Variants in CELF6 observed in about 807,000 individuals in gnomAD.
CELF6 encodes the protein CUGBP Elav-like family member 6, also known as Bruno -like 6, RNA binding protein.
In CELF6, 32 loss-of-function variants were observed where a neutral mutation model predicts 53.1. The ratio of observed to expected loss-of-function variants is 0.60; its 90% CI spans 0.46 to 0.81. The LOEUF (loss-of-function observed/expected upper bound fraction) is 0.81. Ranked by LOEUF, CELF6 falls within the 30% of genes least tolerant of loss-of-function variation. The pLI is 0.00. For synonymous variants in CELF6, 291 were observed against 288.8 expected, an observed-to-expected ratio of 1.01 and a Z score of -0.08; for missense variants, 539 against 669.5, an observed-to-expected ratio of 0.81 and a Z score of 2.15.
Position 72,319,728 on chromosome 15 carries a change from G to T in CELF6, c.147C>A (p.Phe49Leu). 1 of 1,601,740 alleles carries T rather than the reference G, an allele frequency of 6.2e-7. No homozygotes were observed. Among genetic ancestry groups the T allele is most frequent in the Non-Finnish European group, 8.5e-7 (1 of 1,174,054 alleles). Residue 49 changes from phenylalanine (F) to leucine (L), a missense_variant, in exon 1 of 13, where the codon TTC (phenylalanine) becomes TTA (leucine). This residue lies in a region of CELF6 where 84 missense variants were observed against 87.9 expected (regional missense o/e 0.96). Transcript: ENST00000287202. This position sits in a 1 kb window ranked among gnomAD's most constrained non-coding sequence, Gnocchi z 5.0. ...PMKDHDAIKL[F>L]VGQIPRGLDE... Reference sequence around the variant, plus strand: ...CCAAGCCCCGCGGGATCTGCCCCACGAAGAGCTTGATGGCGTCGTGGTCCT... The same window carrying T: ...CCAAGCCCCGCGGGATCTGCCCCACTAAGAGCTTGATGGCGTCGTGGTCCT...
chr15:72,304,897 T>C, intron 2 of CELF6, 103 bp from the exon 3 acceptor site: 1 of 978,144 alleles, frequency 1.0e-6, no homozygotes, highest in Non-Finnish European at 1.6e-6. Context: ...CCCTAGCCCC[T>C]TTGAACTCTG....
rs774783595 is a variant in CELF6 at position 72,289,090 on chromosome 15, C to A, written c.1030+48G>T. On this transcript the variant is annotated intron_variant, in intron 8 of 12. Transcript: ENST00000287202. The surrounding 1 kb of genome is among the most constrained non-coding windows in gnomAD (Gnocchi z 7.6). ...AGCCAGGCCCTAACCCCCCACCCCC[C>A]GCTCCCCACTCCATTTCGGGGGGAT... 20 of 1,423,608 alleles carry A rather than the reference C, an allele frequency of 1.4e-5. No individual in the cohort carries two copies. Among genetic ancestry groups the A allele is most frequent in the South Asian group, 4.3e-5 (3 of 69,718 alleles). The allele number at this position is 1,423,608 out of a possible 1,614,324, so 88.2% of individuals were successfully genotyped here. A position where few individuals can be genotyped will look rare whatever the true frequency, so the allele number is the denominator to read the frequency against.
intron 11 of CELF6, among the ~76,000 whole-genome samples, chr15:72,287,893 A>C (rs1365537361): frequency 6.7e-6 from 1 of 149,800 alleles, no homozygotes; most frequent in Admixed American, 6.7e-5. Flanking sequence ...TGGAGTGTGC[A>C]GTGGTGCCAT....
intron 3 of CELF6, among the ~76,000 whole-genome samples, chr15:72,292,676 G>C (rs1595776486): frequency 6.6e-6 from 1 of 152,312 alleles, no homozygotes; most frequent in East Asian, 1.9e-4. Context: ...GCCTCTTGTT[G>C]CTTTTTCTGC....
intron 2 of CELF6, among the ~76,000 whole-genome samples, chr15:72,311,471 T>C (rs569056242): frequency 1.3e-5 from 2 of 151,930 alleles, no homozygotes; most frequent in African/African-American, 2.4e-5. Flanking sequence ...GATGCGATCT[T>C]GGCTCACTGC....
Position 72,319,338 on chromosome 15 carries a change from T to A in CELF6, c.262+275A>T, listed in dbSNP as rs1256830198. On this transcript the variant is annotated intron_variant, in intron 1 of 12. Coordinates refer to ENST00000287202, the MANE Select transcript of CELF6 (RefSeq NM_052840.5). The surrounding 1 kb of genome is among the most constrained non-coding windows in gnomAD (Gnocchi z 5.0). ...TCTGATGGGAGAGGTGGTGGAAAGG[T>A]CCAATTGAAAGGCAGGGACTGCTGG... is the stretch of plus-strand genomic sequence containing the variant. Among the ~76,000 whole-genome samples, 1 of 151,858 alleles carries A rather than the reference T, an allele frequency of 6.6e-6. No individual in the cohort carries two copies. The highest frequency in any genetic ancestry group is 1.5e-5 in the Non-Finnish European group (1 of 67,982).
At chr15:72,293,597 G>A (rs766330923) in intron 3 of CELF6, among the ~76,000 whole-genome samples, 6 of 152,160 alleles carry the variant, frequency 3.9e-5, no homozygotes, top group Non-Finnish European at 7.3e-5. Context: ...CAGCATCAGC[G>A]CAGAGTTGAG....
chr15:72,287,045 G>A (rs117411464), intron 12 of CELF6, among the ~76,000 whole-genome samples, 192 bp downstream of exon 12: 1 of 152,318 alleles, frequency 6.6e-6, no homozygotes, highest in Non-Finnish European at 1.5e-5. Flanking sequence ...CAGGAATGTT[G>A]TCCAATTGAT....
Position 72,286,296 on chromosome 15 carries a change from C to G in CELF6, c.*75G>C, listed in dbSNP as rs1279725406. The G allele has an allele frequency of 6.5e-6, 1 of 152,774 alleles. No homozygotes were observed. Among genetic ancestry groups the G allele is most frequent in the Non-Finnish European group, 1.5e-5 (1 of 68,102 alleles). 9.5% of individuals were successfully genotyped at this position (152,774 alleles called of 1,614,324 possible). A position where few individuals can be genotyped will look rare whatever the true frequency, so the allele number is the denominator to read the frequency against. On this transcript the variant is annotated 3_prime_UTR_variant, in exon 13 of 13. Coordinates refer to ENST00000287202, the MANE Select transcript of CELF6 (RefSeq NM_052840.5). ...AGCTGCTCCTTCGGGAAGGGCTGCT[C>G]AAGCGTTTCTGTGCTTTTCCTCTCC...
Position 72,288,826 on chromosome 15 carries a change from G to T in CELF6, c.1093+42C>A. 6.6e-7 allele frequency: 1 copy of T among 1,522,242 alleles called. No individual in the cohort carries two copies. The highest frequency in any genetic ancestry group is 8.9e-7 in the Non-Finnish European group (1 of 1,120,942). 94.3% of individuals were successfully genotyped at this position (1,522,242 alleles called of 1,614,324 possible). A position where few individuals can be genotyped will look rare whatever the true frequency, so the allele number is the denominator to read the frequency against. ...CACAACTCTCCCTATTTCTTTCTAG[G>T]GCCCTTCAACCTCCCCCAGGCCGCG... On this transcript the variant is annotated intron_variant, in intron 9 of 12. Coordinates refer to ENST00000287202, the MANE Select transcript of CELF6 (RefSeq NM_052840.5). This position sits in a 1 kb window ranked among gnomAD's most constrained non-coding sequence, Gnocchi z 4.6.
rs144094370 is a variant in CELF6 at position 72,304,323 on chromosome 15, C to T, written c.394+423G>A. Among the ~76,000 whole-genome samples, 4 of 152,212 alleles carry T rather than the reference C, an allele frequency of 2.6e-5. No homozygotes were observed. The East Asian group carries it at 7.7e-4, about 29-fold the overall frequency. ...TTTACCATGAGCAGCTAGGCAATTA[C>T]AATGAAGGAATGGCCTCAATCCGAA... On this transcript the variant is annotated intron_variant, in intron 3 of 12. Coordinates refer to ENST00000287202, the MANE Select transcript of CELF6 (RefSeq NM_052840.5).
At chr15:72,294,942 C>T (rs1052501205) in intron 3 of CELF6, among the ~76,000 whole-genome samples, 1 of 144,384 alleles carries the variant, frequency 6.9e-6, no homozygotes, top group Non-Finnish European at 1.5e-5. Flanking sequence ...TGTGCCGCTG[C>T]ACTCCTGCCT....
chr15:72,298,006 C>T (rs2141192639), intron 3 of CELF6, among the ~76,000 whole-genome samples: 1 of 152,308 alleles, frequency 6.6e-6, no homozygotes, highest in East Asian at 1.9e-4. Context: ...TCTATCCAAT[C>T]TTAGTTGGAA....
intron 3 of CELF6, among the ~76,000 whole-genome samples, chr15:72,293,563 C>T (rs2088034947): frequency 6.6e-6 from 1 of 152,180 alleles, no homozygotes; most frequent in African/African-American, 2.4e-5. Context: ...GCTCAACCTT[C>T]CTGGAGTGGA....
At chr15:72,313,430 C>G (rs1342440627) in intron 2 of CELF6, among the ~76,000 whole-genome samples, 1 of 152,220 alleles carries the variant, frequency 6.6e-6, no homozygotes, top group Non-Finnish European at 1.5e-5. Flanking sequence ...AACCTCATCT[C>G]TACTAAAATT....
intron 11 of CELF6, 128 bp from the exon 12 acceptor site, chr15:72,287,520 T>G: frequency 1.9e-6 from 2 of 1,026,310 alleles, no homozygotes; most frequent in Non-Finnish European, 2.9e-6. Flanking sequence ...CTCCACTGTT[T>G]GTGTGGATAC....
chr15:72,288,692 C>T lies in CELF6; in HGVS notation c.1094-74G>A, dbSNP rs2087954956. 5 of 1,460,690 alleles carry T rather than the reference C, an allele frequency of 3.4e-6. No homozygotes were observed. The highest frequency in any genetic ancestry group is 1.4e-5 in the African/African-American group (1 of 71,288). The allele number at this position is 1,460,690 out of a possible 1,614,324, so 90.5% of individuals were successfully genotyped here. ...AAGCAGGGCCCCAACTGCCTGGCCG[C>T]TTTTGACCAATTCAGCCCAGTCCAC... On this transcript the variant is annotated intron_variant, in intron 9 of 12. Transcript: ENST00000287202. This position sits in a 1 kb window ranked among gnomAD's most constrained non-coding sequence, Gnocchi z 4.6.
intron 1 of CELF6, among the ~76,000 whole-genome samples, chr15:72,318,216 A>T (rs2088384881): frequency 6.6e-6 from 1 of 152,162 alleles, no homozygotes; most frequent in Admixed American, 6.5e-5. Context: ...CATTAACACA[A>T]TCCCAGCCCA....
At chr15:72,290,349 C>A in intron 3 of CELF6, 94 bp from the exon 4 acceptor site, 1 of 1,449,142 alleles carries the variant, frequency 6.9e-7, no homozygotes, top group South Asian at 1.3e-5. Flanking sequence ...TCACCAGTCT[C>A]ACTCTGGGAA....
Sources: allele counts gnomAD v4.1 joint callset (sites outside exome capture counted in the v4.1 genomes callset), GRCh38; gene constraint gnomAD v4.1.1; regional missense constraint gnomAD v4.1.1; non-coding constraint Gnocchi (gnomAD v3.1); transcripts MANE v1.5; gene names NCBI Gene and HGNC (gene_info 2026-07-23, HGNC 2026-07-21).